MTPN: variants seen among roughly 807,000 people sequenced by gnomAD.
MTPN encodes myotrophin.
Under a neutral mutation model 13.5 loss-of-function variants are expected in MTPN, and 2 were observed. That is an observed-to-expected ratio of 0.15 (90% confidence interval 0.06 to 0.47). The LOEUF (loss-of-function observed/expected upper bound fraction) is 0.47, where lower values mean the gene tolerates loss of function less well. Ranked by LOEUF, MTPN falls within the 20% of genes least tolerant of loss-of-function variation. MTPN has a pLI of 0.97. For missense variants in MTPN, 79 were observed against 137.9 expected (o/e 0.57, Z 2.14); for synonymous variants, 46 against 51.7 (o/e 0.89, Z 0.48).
At chr7:135,969,347 G>A (rs1468681393) in intron 1 of MTPN, among the ~76,000 whole-genome samples, 1 of 150,076 alleles carries the variant, frequency 6.7e-6, no homozygotes, top group African/African-American at 2.4e-5. Flanking sequence ...ATGATTTATT[G>A]AACATTTCAC....
chr7:135,972,826 G>C (rs1260443302), intron 1 of MTPN, among the ~76,000 whole-genome samples: 3 of 151,568 alleles, frequency 2.0e-5, no homozygotes, highest in African/African-American at 7.3e-5. Flanking sequence ...CATCGGTATG[G>C]TGTTTTTCTG....
At chr7:135,973,803 AT>A (rs1562938429) in intron 1 of MTPN, among the ~76,000 whole-genome samples, 1 of 152,156 alleles carries the variant, frequency 6.6e-6, no homozygotes, top group African/African-American at 2.4e-5. Context: ...GGTCTGCTAA[AT>A]ATAGATGCTT....
At chr7:135,976,924 T>TACA in intron 1 of MTPN, 105 bp downstream of exon 1, 1 of 724,844 alleles carries the variant, frequency 1.4e-6, no homozygotes. Flanking sequence ...AGGAAGTCTC[T>TACA]CCTCCCGCCC....
chr7:135,971,060 T>C (rs1799686444), intron 1 of MTPN, among the ~76,000 whole-genome samples: 3 of 152,196 alleles, frequency 2.0e-5, no homozygotes, highest in Admixed American at 2.0e-4. Flanking sequence ...CAATGAGTCT[T>C]GGAATTTCTA....
chr7:135,935,779 C>G (rs1233819902), intron 3 of MTPN, among the ~76,000 whole-genome samples: 67 of 152,262 alleles, frequency 4.4e-4, no homozygotes, highest in Non-Finnish European at 5.9e-5. Context: ...GTACTGTACT[C>G]TAATACATCA....
chr7:135,951,518 T>C lies in MTPN; in HGVS notation c.185A>G (p.Asn62Ser). The C allele has an allele frequency of 6.2e-7, 1 of 1,608,726 alleles. No homozygotes were observed. Among genetic ancestry groups the C allele is most frequent in the Non-Finnish European group, 8.5e-7 (1 of 1,176,396 alleles). ...EFLLLKGADI[N>S]APDKHHITPL... Reference sequence around the variant, plus strand: ...AGAATGATCACGTCCTCTACGTACATTAATATCTGCTCCTTTCAGCAGCAG... The same window carrying C: ...AGAATGATCACGTCCTCTACGTACACTAATATCTGCTCCTTTCAGCAGCAG... Residue 62 changes from asparagine (N) to serine (S), a missense_variant and splice_region_variant, in exon 2 of 4, where the codon AAT becomes AGT. Transcript: ENST00000393085.
At chr7:135,935,515 C>T (rs1799102121) in intron 3 of MTPN, among the ~76,000 whole-genome samples, 1 of 152,228 alleles carries the variant, frequency 6.6e-6, no homozygotes, top group Non-Finnish European at 1.5e-5. Context: ...GCTGGGATCA[C>T]AGGCGTGAGC....
intron 3 of MTPN, among the ~76,000 whole-genome samples, chr7:135,944,223 T>C (rs1209247194): frequency 6.6e-6 from 1 of 152,166 alleles, no homozygotes; most frequent in African/African-American, 2.4e-5. Flanking sequence ...TACCCCATAG[T>C]TGATTATTTA....
chr7:135,977,157 G>C lies in MTPN; in HGVS notation c.-57C>G, dbSNP rs1193328673. On this transcript the variant is annotated 5_prime_UTR_variant, in exon 1 of 4. Coordinates refer to ENST00000393085, the MANE Select transcript of MTPN (RefSeq NM_145808.4). ...AGAAGATGAGGAGGCGGTGGCAGCA[G>C]CAAGCGGATGCCGCCGGGCGAGAGG... 1.4e-5 allele frequency: 22 copies of C among 1,569,334 alleles called. No individual in the cohort carries two copies. The highest frequency in any genetic ancestry group is 1.9e-5 in the Non-Finnish European group (22 of 1,141,024).
At chr7:135,949,781 A>G (rs1336018554) in intron 3 of MTPN, among the ~76,000 whole-genome samples, 1 of 152,208 alleles carries the variant, frequency 6.6e-6, no homozygotes, top group African/African-American at 2.4e-5. Context: ...AGTGCTTACT[A>G]TGTATCAGGC....
In MTPN at chr7:135,927,736, T is replaced by C. The variant is rs993396344; in HGVS notation, c.*2190A>G. The C allele has an allele frequency of 2.0e-6, 1 of 488,148 alleles. No individual in the cohort carries two copies. Among genetic ancestry groups the C allele is most frequent in the Non-Finnish European group, 4.2e-6 (1 of 239,966 alleles). The allele number at this position is 488,148 out of a possible 1,614,324, so 30.2% of individuals were successfully genotyped here. A position where few individuals can be genotyped will look rare whatever the true frequency, so the allele number is the denominator to read the frequency against. On this transcript the variant is annotated 3_prime_UTR_variant, in exon 4 of 4. Transcript: ENST00000393085. Reference sequence around the variant, plus strand: ...TTTTCTCAAGCAATCGCTTCATAATTATAGGGTTTACAAAAAGGTCGAGAA... The same window carrying C: ...TTTTCTCAAGCAATCGCTTCATAATCATAGGGTTTACAAAAAGGTCGAGAA...
Position 135,927,650 on chromosome 7 carries a change from G to C in MTPN, c.*2276C>G, listed in dbSNP as rs1227581696. 3.3e-6 allele frequency: 2 copies of C among 614,642 alleles called. No homozygotes were observed. The allele number at this position is 614,642 out of a possible 1,614,324, so 38.1% of individuals were successfully genotyped here. On this transcript the variant is annotated 3_prime_UTR_variant, in exon 4 of 4. Transcript: ENST00000393085. The stretch of plus-strand genomic sequence containing the variant: ...TCAGAAATACATTATAAATAACCTA[G>C]TTAAAAAAAGAAACTGTGAACCATC...
intron 3 of MTPN, among the ~76,000 whole-genome samples, chr7:135,933,098 CAAA>C (rs56865854): frequency 1.6e-4 from 10 of 63,050 alleles, no homozygotes; most frequent in East Asian, 4.8e-4. Flanking sequence ...CACTCAGCCT[CAAA>C]AAAAAAAAAA....
Position 135,977,334 on chromosome 7 carries a change from G to C in MTPN, c.-234C>G, listed in dbSNP as rs565516799. The C allele has an allele frequency of 1.2e-5, 7 of 570,454 alleles. No homozygotes were observed. The East Asian group carries it at 2.1e-4, about 17-fold the overall frequency. The allele number at this position is 570,454 out of a possible 1,614,324, so 35.3% of individuals were successfully genotyped here. On this transcript the variant is annotated 5_prime_UTR_variant, in exon 1 of 4. Transcript: ENST00000393085. The stretch of plus-strand genomic sequence containing the variant: ...CCCAGCAGAGAGGTTCCGCCTGGCC[G>C]AGGAGAGGCAGGAACCTTTACACTT...
At chr7:135,969,734 T>G (rs183575575) in intron 1 of MTPN, among the ~76,000 whole-genome samples, 1 of 152,090 alleles carries the variant, frequency 6.6e-6, no homozygotes, top group Non-Finnish European at 1.5e-5. Flanking sequence ...AAAAGACCAT[T>G]GTAGAATAAG....
intron 1 of MTPN, among the ~76,000 whole-genome samples, chr7:135,960,538 G>A (rs1799504982): frequency 6.6e-6 from 1 of 151,794 alleles, no homozygotes; most frequent in East Asian, 1.9e-4. Flanking sequence ...TAAAGGATAG[G>A]TAACAAAGAA....
At chr7:135,966,457 CTTTGAAAGCTCTGAT>C (rs1361379681) in intron 1 of MTPN, among the ~76,000 whole-genome samples, 1 of 151,988 alleles carries the variant, frequency 6.6e-6, no homozygotes, top group African/African-American at 2.4e-5. Context: ...ATGATTTTGA[CTTTGAAAGCTCTGAT>C]TTTGAAAGAT....
chr7:135,941,058 T>C (rs191227712), intron 3 of MTPN, among the ~76,000 whole-genome samples: 48 of 152,298 alleles, frequency 3.2e-4, no homozygotes, highest in Admixed American at 2.7e-3. Context: ...AAGCCCCAAA[T>C]GTTTACTACC....
chr7:135,972,868 T>C (rs367727590), intron 1 of MTPN, among the ~76,000 whole-genome samples: 1 of 151,606 alleles, frequency 6.6e-6, no homozygotes, highest in African/African-American at 2.4e-5. Context: ...GGAGGGTAAA[T>C]AGGAGTTTAA....
Sources: gnomAD v4.1 joint callset for allele counts (sites outside exome capture counted in the v4.1 genomes callset) on GRCh38, gnomAD v4.1.1 for gene constraint, MANE v1.5 for transcripts, NCBI Gene and HGNC (gene_info 2026-07-23, HGNC 2026-07-21) for gene names.